The following MAP1S variants were observed in gnomAD, a reference collection of about 807,000 sequenced individuals.
MAP1S encodes microtubule-associated protein 1S.
In MAP1S, 27 loss-of-function variants were observed where a neutral mutation model predicts 60.9. That is an observed-to-expected ratio of 0.44 (90% confidence interval 0.33 to 0.61). The LOEUF (loss-of-function observed/expected upper bound fraction) is 0.61, where lower values mean the gene tolerates loss of function less well. Among genes scored for constraint, MAP1S ranks in the 20% least tolerant of loss-of-function variants. The probability of loss-of-function intolerance (pLI) is 0.03; values close to 1 mark genes in which losing one functional copy is unlikely to be tolerated. For synonymous variants in MAP1S, 826 were observed against 694.2 expected (o/e 1.19, Z -2.98); for missense variants, 1,608 against 1,486.6 (o/e 1.08, Z -1.34).
Position 17,726,393 on chromosome 19 carries a change from G to T in MAP1S, c.1009G>T (p.Val337Leu). Residue 337 changes from valine (V) to leucine (L), a missense_variant, in exon 5 of 7, where the codon GTG becomes TTG. By Grantham distance (32) the Val-to-Leu change is conservative (BLOSUM62 1). Coordinates refer to ENST00000324096, the MANE Select transcript of MAP1S (RefSeq NM_018174.6). The part of the protein sequence containing the change: ...RRLISPNLGV[V>L]FFNACEAASR... ...GCTCATCTCCCCCAACCTGGGGGTC[G>T]TGTTCTTCAACGCCTGCGAGGCCGC... is the stretch of plus-strand genomic sequence containing the variant. The T allele has an allele frequency of 6.3e-7, 1 of 1,590,274 alleles. No homozygotes were observed.
chr19:17,727,300 C>T lies in MAP1S; in HGVS notation c.1916C>T (p.Pro639Leu), dbSNP rs1388815494. 6.3e-7 allele frequency: 1 copy of T among 1,591,280 alleles called. No individual in the cohort carries two copies. The highest frequency in any genetic ancestry group is 8.5e-7 in the Non-Finnish European group (1 of 1,173,928). ...AASSIPRPRT[P>L]SPESHRSPAE... ...AGCTCAATCCCAAGGCCACGCACAC[C>T]CTCCCCTGAGTCCCACCGGAGCCCC... The change falls in exon 5 of 7, where the codon CCC (proline) becomes CTC (leucine). Residue 639 changes from proline (P) to leucine (L), a missense_variant. Pro to Leu is a moderately conservative substitution (Grantham distance 98). This residue lies in a region of MAP1S where 1,167 missense variants were observed against 961.4 expected (regional missense o/e 1.21). Coordinates refer to ENST00000324096, the MANE Select transcript of MAP1S (RefSeq NM_018174.6). The surrounding 1 kb of genome is among the most constrained non-coding windows in gnomAD (Gnocchi z 4.1).
At chr19:17,730,562 C>T (rs1449675349) in intron 5 of MAP1S, among the ~76,000 whole-genome samples, 2 of 152,154 alleles carry the variant, frequency 1.3e-5, no homozygotes, top group African/African-American at 2.4e-5. Flanking sequence ...GCGATTCTCT[C>T]GCCTTGGCCT....
chr19:17,732,461 C>G (rs1388510283), intron 5 of MAP1S, among the ~76,000 whole-genome samples: 2 of 152,164 alleles, frequency 1.3e-5, no homozygotes, highest in African/African-American at 4.8e-5. Flanking sequence ...GGCTGGTGGC[C>G]TTGTCCCCTT....
At position 17,725,734 on chromosome 19, in the gene MAP1S, TG is replaced by T. The variant is rs2080411028; in HGVS notation, c.445-90del. 2 of 1,307,370 alleles carry T rather than the reference TG, an allele frequency of 1.5e-6. No homozygotes were observed. The highest frequency in any genetic ancestry group is 2.3e-5 in the Admixed American group (1 of 44,086). 81.0% of individuals were successfully genotyped at this position (1,307,370 alleles called of 1,614,324 possible). On this transcript the variant is annotated intron_variant, in intron 4 of 6. Transcript: ENST00000324096. This position sits in a 1 kb window ranked among gnomAD's most constrained non-coding sequence, Gnocchi z 4.2. ...CGGGAGGGCCCTGAGGAGCAGGCCCTGGGGGAAAGGATGAGGGTGTCCTCGC... is the reference window on the plus strand; with the variant it reads ...CGGGAGGGCCCTGAGGAGCAGGCCCTGGGGAAAGGATGAGGGTGTCCTCGC...
intron 1 of MAP1S, chr19:17,720,702 G>A: frequency 1.6e-6 from 1 of 624,308 alleles, no homozygotes; most frequent in African/African-American, 1.8e-5. Flanking sequence ...TGGAGATGGA[G>A]GAGGTGGAGG....
At chr19:17,725,000 A>T (rs1392614176) in intron 3 of MAP1S, 49 bp from the exon 4 acceptor site, 3 of 1,600,640 alleles carry the variant, frequency 1.9e-6, no homozygotes, top group Non-Finnish European at 2.6e-6. Context: ...GGACTGCTGG[A>T]TACGTCACTG....
At chr19:17,720,346 G>A in intron 1 of MAP1S, 1 of 1,522,478 alleles carries the variant, frequency 6.6e-7, no homozygotes, top group Non-Finnish European at 8.8e-7. Flanking sequence ...AGTGTTTAGT[G>A]AGCACCTGCT....
Position 17,726,717 on chromosome 19 carries a change from C to T in MAP1S, c.1333C>T (p.Leu445=), listed in dbSNP as rs545325525. The T allele has an allele frequency of 9.4e-6, 15 of 1,591,062 alleles. No homozygotes were observed. In the African/African-American group the frequency reaches 2.0e-4, roughly 21 times the overall value. The part of the protein sequence containing the change: ...CTPPACLLDG[L]VRLQHLRFLR... ...CCCGCCCGCCTGCCTCCTGGACGGC[C>T]TGGTCCGCCTGCAGCACTTGAGGTT... The change falls in exon 5 of 7, where the codon CTG becomes TTG. Residue 445 remains leucine, a synonymous_variant. Coordinates refer to ENST00000324096, the MANE Select transcript of MAP1S (RefSeq NM_018174.6).
chr19:17,727,343 G>C lies in MAP1S; in HGVS notation c.1959G>C (p.Arg653=). 6.3e-7 allele frequency: 1 copy of C among 1,588,166 alleles called. No individual in the cohort carries two copies. Among genetic ancestry groups the C allele is most frequent in the African/African-American group, 1.3e-5 (1 of 74,514 alleles). Residue 653 remains arginine (R), a synonymous_variant, in exon 5 of 7, where the codon CGG becomes CGC. Coordinates refer to ENST00000324096, the MANE Select transcript of MAP1S (RefSeq NM_018174.6). The surrounding 1 kb of genome is among the most constrained non-coding windows in gnomAD (Gnocchi z 4.1). ...SHRSPAEGSE[R]LSLSPLRGGE... ...GGAGCCCCGCAGAGGGCAGCGAGCGGCTGTCGCTGAGCCCACTGCGGGGCG... is the reference window on the plus strand; with the variant it reads ...GGAGCCCCGCAGAGGGCAGCGAGCGCCTGTCGCTGAGCCCACTGCGGGGCG...
chr19:17,725,980 C>CGCA lies in MAP1S; in HGVS notation c.599_601dup (p.Gln200dup). The CGCA allele has an allele frequency of 6.2e-7, 1 of 1,612,202 alleles. No individual in the cohort carries two copies. Among genetic ancestry groups the CGCA allele is most frequent in the Non-Finnish European group, 8.5e-7 (1 of 1,179,326 alleles). On this transcript the variant is annotated inframe_insertion, in exon 5 of 7. Transcript: ENST00000324096. The surrounding 1 kb of genome is among the most constrained non-coding windows in gnomAD (Gnocchi z 4.2). ...CTCCAGCTGCGGCTGAACCCCCCGG[C>CGCA]GCAGCTGCCCAACTCTGAGGGCCTG...
At chr19:17,731,597 C>T (rs1247735259) in intron 5 of MAP1S, among the ~76,000 whole-genome samples, 1 of 152,132 alleles carries the variant, frequency 6.6e-6, no homozygotes, top group Non-Finnish European at 1.5e-5. Flanking sequence ...TCACATTGTT[C>T]ATTGTTCATG....
At chr19:17,730,821 C>T (rs7254726) in intron 5 of MAP1S, among the ~76,000 whole-genome samples, 2 of 151,324 alleles carry the variant, frequency 1.3e-5, no homozygotes, top group African/African-American at 4.8e-5. Flanking sequence ...CTATTTTTTT[C>T]TTTTGTTGTC....
chr19:17,733,526 A>G, intron 6 of MAP1S, 98 bp downstream of exon 6: 1 of 1,000,992 alleles, frequency 1.0e-6, no homozygotes, highest in Non-Finnish European at 1.4e-6. Flanking sequence ...TCCCCAGGCC[A>G]CACGGGAATG....
rs758214360 is a variant in MAP1S at position 17,734,444 on chromosome 19, G to A, written c.*16G>A. ...GGAGTTCTAGCCCCATCGCCGACAC[G>A]CCCCCCACTCAGCCCAGCCCGCCTG... On this transcript the variant is annotated 3_prime_UTR_variant, in exon 7 of 7. Transcript: ENST00000324096. The A allele has an allele frequency of 1.1e-5, 18 of 1,594,634 alleles. No individual in the cohort carries two copies. The highest frequency in any genetic ancestry group is 1.7e-4 in the Middle Eastern group (1 of 6,018).
intron 5 of MAP1S, among the ~76,000 whole-genome samples, chr19:17,731,720 C>T (rs1482518785): frequency 1.3e-5 from 2 of 152,188 alleles, no homozygotes; most frequent in African/African-American, 4.8e-5. Context: ...GGCTGGAGTG[C>T]AGTGGCACAA....
In MAP1S at chr19:17,720,503, G is replaced by A. The variant is rs1180532740; in HGVS notation, c.119-433G>A. ...TTCCAGCTCACATGGTGTCAGGAAG[G>A]ATGAGAAGGCTGCAAGGGACTGAGA... On this transcript the variant is annotated intron_variant, in intron 1 of 6. Coordinates refer to ENST00000324096, the MANE Select transcript of MAP1S (RefSeq NM_018174.6). 7 of 1,514,080 alleles carry A rather than the reference G, an allele frequency of 4.6e-6. No individual in the cohort carries two copies. The Admixed American group carries it at 1.0e-4, about 22-fold the overall frequency. The allele number at this position is 1,514,080 out of a possible 1,614,324, so 93.8% of individuals were successfully genotyped here.
At chr19:17,722,885 A>T (rs745530310) in intron 2 of MAP1S, among the ~76,000 whole-genome samples, 32 of 152,058 alleles carry the variant, frequency 2.1e-4, no homozygotes, top group Non-Finnish European at 4.3e-4. Flanking sequence ...AAGGAAAGAA[A>T]GTTAAATGTG....
rs1480722411 is a variant in MAP1S, at chr19:17,720,090, C to T, written c.118+470C>T. 65 of 1,173,308 alleles carry T rather than the reference C, an allele frequency of 5.5e-5. 1 individual carries two copies. The East Asian group carries it at 2.8e-3, about 51-fold the overall frequency. 72.7% of individuals were successfully genotyped at this position (1,173,308 alleles called of 1,614,324 possible). A position where few individuals can be genotyped will look rare whatever the true frequency, so the allele number is the denominator to read the frequency against. On this transcript the variant is annotated intron_variant, in intron 1 of 6. Coordinates refer to ENST00000324096, the MANE Select transcript of MAP1S (RefSeq NM_018174.6). ...CCGGGGCCCGCTTTCTGTTGCCTCA[C>T]AAGGAGCTGCTAATTGGGGTGTGGG... is the stretch of plus-strand genomic sequence containing the variant.
Position 17,726,384 on chromosome 19 carries a change from C to G in MAP1S, c.1000C>G (p.Leu334Val), listed in dbSNP as rs778517039. The change falls in exon 5 of 7, where the codon CTG (leucine) becomes GTG (valine). Residue 334 changes from leucine (L) to valine (V), a missense_variant. Leu to Val is a conservative substitution (Grantham distance 32). This residue lies in a region of MAP1S where 1,167 missense variants were observed against 961.4 expected (regional missense o/e 1.21). Coordinates refer to ENST00000324096, the MANE Select transcript of MAP1S (RefSeq NM_018174.6). The part of the protein sequence containing the change: ...DRLRRLISPN[L>V]GVVFFNACEA... ...GCTGCGCAGGCTCATCTCCCCCAAC[C>G]TGGGGGTCGTGTTCTTCAACGCCTG... 1.3e-6 allele frequency: 2 copies of G among 1,593,806 alleles called. No individual in the cohort carries two copies. The highest frequency in any genetic ancestry group is 1.7e-6 in the Non-Finnish European group (2 of 1,176,874).
Sources: gnomAD v4.1 joint callset for allele counts (sites outside exome capture counted in the v4.1 genomes callset) on GRCh38, gnomAD v4.1.1 for gene constraint, gnomAD v4.1.1 regional missense constraint, Gnocchi (gnomAD v3.1) non-coding constraint, MANE v1.5 for transcripts, NCBI Gene and HGNC (gene_info 2026-07-23, HGNC 2026-07-21) for gene names.